XKR4: variants seen among roughly 807,000 people sequenced by gnomAD.
XKR4 encodes XK-related protein 4.
Under a neutral mutation model 53.9 loss-of-function variants are expected in XKR4, and 12 were observed. The observed-to-expected ratio is 0.22, with a 90% CI of 0.14 to 0.36. XKR4 has a LOEUF of 0.36. Ranked by LOEUF, XKR4 falls within the 10% of genes least tolerant of loss-of-function variation. XKR4 has a pLI of 1.00. For missense variants in XKR4, 799 were observed against 859.5 expected, an observed-to-expected ratio of 0.93 and a Z score of 0.88; for synonymous variants, 354 against 362.4, an observed-to-expected ratio of 0.98 and a Z score of 0.26.
At chr8:55,132,610 C>A (rs1422256529) in intron 1 of XKR4, among the ~76,000 whole-genome samples, 1 of 152,172 alleles carries the variant, frequency 6.6e-6, no homozygotes, top group African/African-American at 2.4e-5. Context: ...GGAGAGACTA[C>A]TGTGCCTGAC....
intron 2 of XKR4, among the ~76,000 whole-genome samples, chr8:55,456,621 G>C (rs369787465): frequency 1.5e-4 from 23 of 152,106 alleles, no homozygotes; most frequent in African/African-American, 4.8e-4. Context: ...TTCCAGAGTT[G>C]AAAAGTATTT....
intron 2 of XKR4, among the ~76,000 whole-genome samples, chr8:55,491,871 C>T (rs1288173699): frequency 3.3e-5 from 5 of 152,108 alleles, no homozygotes; most frequent in African/African-American, 1.2e-4. Flanking sequence ...TTTACAACTC[C>T]CCAGGAGTCT....
chr8:55,135,926 G>A (rs993741044), intron 1 of XKR4, among the ~76,000 whole-genome samples: 5 of 147,966 alleles, frequency 3.4e-5, no homozygotes, highest in South Asian at 2.1e-4. Flanking sequence ...ACAGAGTCTC[G>A]CTCTGTCCCC....
intron 2 of XKR4, among the ~76,000 whole-genome samples, chr8:55,480,370 C>G (rs1392720446): frequency 6.6e-6 from 1 of 152,176 alleles, no homozygotes; most frequent in East Asian, 1.9e-4. Context: ...GCTAAAAACT[C>G]TCAATTAATT....
At chr8:55,417,491 C>A (rs1804867506) in intron 2 of XKR4, among the ~76,000 whole-genome samples, 1 of 152,132 alleles carries the variant, frequency 6.6e-6, no homozygotes, top group Non-Finnish European at 1.5e-5. Context: ...GGATAGAATG[C>A]AGATCCACAT....
intron 1 of XKR4, among the ~76,000 whole-genome samples, chr8:55,211,435 G>A (rs1817728549): frequency 6.6e-6 from 1 of 152,122 alleles, no homozygotes; most frequent in African/African-American, 2.4e-5. Flanking sequence ...TCTTTGACAG[G>A]TGTCTGCCAG....
chr8:55,337,729 A>G (rs1397497175), intron 1 of XKR4, among the ~76,000 whole-genome samples: 1 of 152,248 alleles, frequency 6.6e-6, no homozygotes, highest in African/African-American at 2.4e-5. Context: ...AAAAAATTAC[A>G]TAATCTGAAA....
intron 1 of XKR4, among the ~76,000 whole-genome samples, chr8:55,280,653 C>T (rs897249498): frequency 1.3e-5 from 2 of 152,068 alleles, no homozygotes; most frequent in Non-Finnish European, 2.9e-5. Context: ...CATTTATAAT[C>T]CTTAAGGAGT....
intron 2 of XKR4, among the ~76,000 whole-genome samples, chr8:55,486,739 C>T (rs1181810707): frequency 6.6e-6 from 1 of 152,160 alleles, no homozygotes; most frequent in Non-Finnish European, 1.5e-5. Context: ...AAAGTCTGGT[C>T]GCTGCTCAGC....
intron 1 of XKR4, among the ~76,000 whole-genome samples, chr8:55,244,776 A>G (rs1407854103): frequency 6.6e-6 from 1 of 152,184 alleles, no homozygotes; most frequent in African/African-American, 2.4e-5. Flanking sequence ...GTGAGATGAC[A>G]TCACATTGTG....
At chr8:55,299,924 G>A (rs1478624479) in intron 1 of XKR4, among the ~76,000 whole-genome samples, 1 of 152,122 alleles carries the variant, frequency 6.6e-6, no homozygotes, top group Non-Finnish European at 1.5e-5. Flanking sequence ...AGATTTAGAT[G>A]TCACCAACTC....
At chr8:55,378,421 C>T (rs550152260) in intron 2 of XKR4, among the ~76,000 whole-genome samples, 6 of 152,176 alleles carry the variant, frequency 3.9e-5, no homozygotes, top group African/African-American at 1.4e-4. Flanking sequence ...ATAAAATATC[C>T]ATTGTGCTTT....
chr8:55,519,486 C>CT (rs1360443555), intron 2 of XKR4, among the ~76,000 whole-genome samples: 1 of 150,908 alleles, frequency 6.6e-6, no homozygotes, highest in Non-Finnish European at 1.5e-5. Flanking sequence ...CTTTTTTTTT[C>CT]TTTTTTTCTT....
intron 1 of XKR4, among the ~76,000 whole-genome samples, chr8:55,350,227 C>T (rs1046760689): frequency 6.6e-6 from 1 of 152,188 alleles, no homozygotes; most frequent in Non-Finnish European, 1.5e-5. Flanking sequence ...TGAATTTGTG[C>T]GTGCTCTTTG....
intron 2 of XKR4, among the ~76,000 whole-genome samples, chr8:55,435,882 A>AG (rs1805170306): frequency 2.0e-5 from 3 of 152,276 alleles, no homozygotes; most frequent in African/African-American, 7.2e-5. Context: ...CTCAGATATA[A>AG]GTTAGCTGCC....
chr8:55,328,867 A>G (rs1460440006), intron 1 of XKR4, among the ~76,000 whole-genome samples: 5 of 151,884 alleles, frequency 3.3e-5, no homozygotes, highest in African/African-American at 1.2e-4. Flanking sequence ...TAACTACCCA[A>G]TCTAATTTAC....
chr8:55,252,980 A>T (rs1162803463), intron 1 of XKR4, among the ~76,000 whole-genome samples: 1 of 152,188 alleles, frequency 6.6e-6, no homozygotes. Flanking sequence ...GATGGAACAT[A>T]GGGAAGAAAA....
chr8:55,311,546 G>A (rs1352116345), intron 1 of XKR4, among the ~76,000 whole-genome samples: 5 of 152,132 alleles, frequency 3.3e-5, no homozygotes, highest in Non-Finnish European at 7.4e-5. Flanking sequence ...CAGTGAATCA[G>A]GTGAGTTAAT....
At chr8:55,465,217 T>C (rs1273610035) in intron 2 of XKR4, among the ~76,000 whole-genome samples, 6 of 152,202 alleles carry the variant, frequency 3.9e-5, no homozygotes, top group South Asian at 2.1e-4. Flanking sequence ...AGAGGCATCA[T>C]GCTACCTGAC....
Sources: gnomAD v4.1 joint callset for allele counts (sites outside exome capture counted in the v4.1 genomes callset) on GRCh38, gnomAD v4.1.1 for gene constraint, MANE v1.5 for transcripts, NCBI Gene and HGNC (gene_info 2026-07-23, HGNC 2026-07-21) for gene names.